FBXW7: variants seen among roughly 807,000 people sequenced by gnomAD.
The protein encoded by FBXW7 is F-box/WD repeat-containing protein 7.
A neutral mutation model predicts 86.3 loss-of-function variants in FBXW7; 11 were observed. That is an observed-to-expected ratio of 0.13 (90% CI 0.08 to 0.21). The LOEUF (loss-of-function observed/expected upper bound fraction) is 0.21. Ranked by LOEUF, FBXW7 falls within the 10% of genes least tolerant of loss-of-function variation. The probability of loss-of-function intolerance (pLI) is 1.00; values close to 1 mark genes in which losing one functional copy is unlikely to be tolerated. For missense variants in FBXW7, 488 were observed against 847.4 expected, an observed-to-expected ratio of 0.58 and a Z score of 5.27; for synonymous variants, 313 against 297.9, an observed-to-expected ratio of 1.05 and a Z score of -0.52.
chr4:152,424,798 A>G (rs1022218407), intron 2 of FBXW7, among the ~76,000 whole-genome samples: 3 of 152,222 alleles, frequency 2.0e-5, no homozygotes, highest in African/African-American at 7.2e-5. Flanking sequence ...GCTAGTTATT[A>G]GGCAAATAAA....
chr4:152,375,363 A>T (rs1035662660), intron 4 of FBXW7, among the ~76,000 whole-genome samples: 2 of 152,134 alleles, frequency 1.3e-5, no homozygotes, highest in Non-Finnish European at 2.9e-5. Context: ...CATATAAAAA[A>T]TATGTTGAAT....
intron 2 of FBXW7, among the ~76,000 whole-genome samples, chr4:152,478,360 T>C (rs898749436): frequency 2.6e-5 from 4 of 152,160 alleles, no homozygotes; most frequent in Non-Finnish European, 5.9e-5. Context: ...CTTAGCACAA[T>C]GTTTTCAAGG....
intron 2 of FBXW7, among the ~76,000 whole-genome samples, chr4:152,416,624 T>C (rs1278184397): frequency 2.0e-5 from 3 of 152,182 alleles, no homozygotes; most frequent in African/African-American, 7.2e-5. Flanking sequence ...TCCTTAGTAA[T>C]GTACACTAAC....
chr4:152,347,088 A>AAG lies in FBXW7; in HGVS notation c.585-19_585-18dup. The AAG allele has an allele frequency of 3.2e-6, 5 of 1,558,456 alleles. No homozygotes were observed. Among genetic ancestry groups the AAG allele is most frequent in the South Asian group, 1.2e-5 (1 of 83,392 alleles). Reference sequence around the variant, plus strand: ...CCAGTGGTACTACAAAAAAAAAAAAAAGAGAGAGAGAAAGGATAAAAGGAA... The same window carrying AAG: ...CCAGTGGTACTACAAAAAAAAAAAAAAGAGAGAGAGAGAAAGGATAAAAGGAA... On this transcript the variant is annotated splice_polypyrimidine_tract_variant and intron_variant, in intron 5 of 13. Coordinates refer to ENST00000281708, the MANE Select transcript of FBXW7 (RefSeq NM_001349798.2).
chr4:152,424,894 G>C (rs190162623), intron 2 of FBXW7, among the ~76,000 whole-genome samples: 1 of 152,288 alleles, frequency 6.6e-6, no homozygotes, highest in Admixed American at 6.5e-5. Context: ...ACGTTCACTT[G>C]CTTTGCAGAT....
chr4:152,480,840 A>C (rs1744817186), intron 2 of FBXW7, among the ~76,000 whole-genome samples: 1 of 152,202 alleles, frequency 6.6e-6, no homozygotes, highest in Non-Finnish European at 1.5e-5. Flanking sequence ...TCAGAAGAAA[A>C]GTTTGAAGCT....
rs927165216 is a variant in FBXW7 at position 152,535,474 on chromosome 4, A to T, written c.-560T>A. ...TCCGCCGCCCCAGCCGCCGCTTCAC[A>T]TCGGGGTCCCCGCCCCCCCGGCCGG... On this transcript the variant is annotated 5_prime_UTR_variant, in exon 1 of 14. The change abolishes an upstream ATG in the 5' untranslated region. Coordinates refer to ENST00000281708, the MANE Select transcript of FBXW7 (RefSeq NM_001349798.2). The T allele has an allele frequency of 2.6e-6, 1 of 388,760 alleles. No homozygotes were observed. The highest frequency in any genetic ancestry group is 3.6e-5 in the East Asian group (1 of 27,488). 24.1% of individuals were successfully genotyped at this position (388,760 alleles called of 1,614,324 possible).
At chr4:152,338,989 T>A (rs1730442100) in intron 6 of FBXW7, among the ~76,000 whole-genome samples, 1 of 152,236 alleles carries the variant, frequency 6.6e-6, no homozygotes. Context: ...TATATAATAA[T>A]TGACAACAGA....
intron 2 of FBXW7, among the ~76,000 whole-genome samples, chr4:152,470,019 T>C (rs1179614246): frequency 6.6e-6 from 1 of 152,012 alleles, no homozygotes; most frequent in Non-Finnish European, 1.5e-5. Context: ...AAAAAGAAGA[T>C]GAAACCATTT....
At position 152,362,780 on chromosome 4, in the gene FBXW7, T is replaced by C. The variant is rs143778007; in HGVS notation, c.502-12656A>G. ...AGGCAGAGGATGCAGTGAGCCAAGA[T>C]TGCACCACTGTACTGCAGCCTGGGC... On this transcript the variant is annotated intron_variant, in intron 4 of 13. Coordinates refer to ENST00000281708, the MANE Select transcript of FBXW7 (RefSeq NM_001349798.2). 1.4e-3 allele frequency among the ~76,000 whole-genome samples: 210 copies of C among 147,778 alleles called. 3 individuals are homozygous for C. In the East Asian group the frequency reaches 0.031, roughly 22 times the overall value.
chr4:152,482,252 G>A (rs1744947854), intron 2 of FBXW7, among the ~76,000 whole-genome samples: 1 of 152,154 alleles, frequency 6.6e-6, no homozygotes, highest in Non-Finnish European at 1.5e-5. Context: ...TAGCAATAAA[G>A]TATTTCTAAA....
chr4:152,435,568 T>C (rs140633573), intron 2 of FBXW7, among the ~76,000 whole-genome samples: 3 of 152,334 alleles, frequency 2.0e-5, no homozygotes, highest in Non-Finnish European at 4.4e-5. Context: ...ATTAAAATGG[T>C]TGTATCTACA....
rs974548731 is a variant in FBXW7 at position 152,512,843 on chromosome 4, T to C, written c.-120+22098A>G. On this transcript the variant is annotated intron_variant, in intron 2 of 13. Coordinates refer to ENST00000281708, the MANE Select transcript of FBXW7 (RefSeq NM_001349798.2). ...TTACTGCACAACTGTGTGAATACAA[T>C]GAAAACGACCGAATATTTATTTATT... 2.6e-5 allele frequency among the ~76,000 whole-genome samples: 4 copies of C among 152,148 alleles called. No individual in the cohort carries two copies. In the East Asian group the frequency reaches 5.8e-4, roughly 22 times the overall value.
intron 4 of FBXW7, among the ~76,000 whole-genome samples, chr4:152,388,790 G>A (rs1300771710): frequency 6.6e-6 from 1 of 152,084 alleles, no homozygotes; most frequent in Non-Finnish European, 1.5e-5. Context: ...TCAGATGATT[G>A]AGATTAAGTC....
chr4:152,531,639 G>C (rs1214353078), intron 2 of FBXW7, among the ~76,000 whole-genome samples: 8 of 151,640 alleles, frequency 5.3e-5, no homozygotes, highest in Non-Finnish European at 8.8e-5. Flanking sequence ...CATTGTATGG[G>C]ACACAAAGAC....
chr4:152,357,824 C>T (rs905230572), intron 4 of FBXW7, among the ~76,000 whole-genome samples: 2 of 152,084 alleles, frequency 1.3e-5, no homozygotes, highest in African/African-American at 4.8e-5. Context: ...TACACACATA[C>T]ATAATTCATA....
At chr4:152,515,888 T>C (rs1748440952) in intron 2 of FBXW7, among the ~76,000 whole-genome samples, 1 of 152,198 alleles carries the variant, frequency 6.6e-6, no homozygotes, top group Admixed American at 6.5e-5. Context: ...TTTTCTTCCT[T>C]AGTCATACAC....
intron 2 of FBXW7, among the ~76,000 whole-genome samples, chr4:152,414,100 G>A (rs1396113046): frequency 2.0e-5 from 3 of 152,058 alleles, no homozygotes; most frequent in Non-Finnish European, 4.4e-5. Context: ...TTTTTTATGC[G>A]TGTTTCTGCC....
At chr4:152,533,303 T>G (rs1428267617) in intron 2 of FBXW7, among the ~76,000 whole-genome samples, 1 of 152,198 alleles carries the variant, frequency 6.6e-6, no homozygotes. Context: ...ATAGTTTGTT[T>G]CTTAGTTTGT....
Sources: allele counts gnomAD v4.1 joint callset (sites outside exome capture counted in the v4.1 genomes callset), GRCh38; gene constraint gnomAD v4.1.1; transcripts MANE v1.5; gene names NCBI Gene and HGNC (gene_info 2026-07-23, HGNC 2026-07-21).